The following SHANK2 variants were observed in gnomAD, a reference collection of about 807,000 sequenced individuals.
SHANK2 encodes SH3 and multiple ankyrin repeat domains 2.
Under a neutral mutation model 133.7 loss-of-function variants are expected in SHANK2, and 43 were observed. The ratio of observed to expected loss-of-function variants is 0.32; its 90% CI spans 0.25 to 0.41. The LOEUF (loss-of-function observed/expected upper bound fraction) is 0.41. Among genes scored for constraint, SHANK2 ranks in the 10% least tolerant of loss-of-function variants. The pLI is 1.00. For synonymous variants in SHANK2, 1,017 were observed against 952.8 expected (o/e 1.07, Z -1.24); for missense variants, 1,994 against 2,235.8 (o/e 0.89, Z 2.18).
chr11:71,135,988 A>ACC (rs1402169591), intron 3 of SHANK2, among the ~76,000 whole-genome samples: 2 of 152,130 alleles, frequency 1.3e-5, no homozygotes, highest in African/African-American at 4.8e-5. Context: ...AGGTACAGTG[A>ACC]CCAGACTTAG....
intron 2 of SHANK2, among the ~76,000 whole-genome samples, chr11:71,206,720 G>A (rs1345838720): frequency 4.6e-5 from 7 of 152,154 alleles, no homozygotes; most frequent in African/African-American, 1.7e-4. Context: ...AGGGTCACTC[G>A]AGGCCAGGCA....
At chr11:70,494,851 C>T (rs554293599) in intron 21 of SHANK2, among the ~76,000 whole-genome samples, 1 of 152,214 alleles carries the variant, frequency 6.6e-6, no homozygotes, top group Non-Finnish European at 1.5e-5. Flanking sequence ...CCAAGTCCAG[C>T]TGACCAGGCC....
chr11:71,197,220 A>G (rs1953922885), intron 2 of SHANK2, among the ~76,000 whole-genome samples: 1 of 152,140 alleles, frequency 6.6e-6, no homozygotes, highest in Admixed American at 6.5e-5. Context: ...GTTTGTATCC[A>G]CAAAACCATT....
At chr11:70,490,054 T>G in intron 23 of SHANK2, 1 of 490,122 alleles carries the variant, frequency 2.0e-6, no homozygotes, top group South Asian at 2.4e-5. Flanking sequence ...CTAGATTTTG[T>G]GTCCTTCAGG....
At chr11:70,854,898 G>A (rs1294729175) in intron 11 of SHANK2, among the ~76,000 whole-genome samples, 5 of 152,304 alleles carry the variant, frequency 3.3e-5, no homozygotes, top group African/African-American at 1.2e-4. Context: ...TGTGTTGCAC[G>A]CAGGGAGTGA....
intron 2 of SHANK2, among the ~76,000 whole-genome samples, chr11:71,187,899 G>A (rs577039060): frequency 2.0e-5 from 3 of 152,296 alleles, no homozygotes; most frequent in East Asian, 3.9e-4. Flanking sequence ...ACAACGCAAC[G>A]TGCTGTGCAT....
chr11:70,701,525 C>T (rs902459893), intron 14 of SHANK2, among the ~76,000 whole-genome samples: 5 of 152,220 alleles, frequency 3.3e-5, no homozygotes, highest in African/African-American at 7.2e-5. Context: ...CTCAGCCTCC[C>T]GAGTAGCTAG....
intron 17 of SHANK2, among the ~76,000 whole-genome samples, chr11:70,506,076 G>A (rs1435540591): frequency 6.6e-6 from 1 of 152,206 alleles, no homozygotes; most frequent in Non-Finnish European, 1.5e-5. Context: ...GGGCAGGGGA[G>A]GCAAAGGACC....
At chr11:70,515,569 G>C (rs1292223657) in intron 17 of SHANK2, among the ~76,000 whole-genome samples, 1 of 150,836 alleles carries the variant, frequency 6.6e-6, no homozygotes, top group Non-Finnish European at 1.5e-5. Flanking sequence ...TGGGAAGCTG[G>C]GGTGGGACGA....
At chr11:70,953,582 T>G (rs1353909297) in intron 10 of SHANK2, among the ~76,000 whole-genome samples, 23 of 152,010 alleles carry the variant, frequency 1.5e-4, no homozygotes, top group Admixed American at 1.5e-3. Flanking sequence ...GCATCCAGCA[T>G]GGGAGGAAGA....
At position 71,242,265 on chromosome 11, in the gene SHANK2, A is replaced by G. The variant is rs150780456; in HGVS notation, c.-113+10160T>C. On this transcript the variant is annotated intron_variant, in intron 1 of 25. Coordinates refer to ENST00000601538, the MANE Select transcript of SHANK2 (RefSeq NM_012309.5). ...GTTTGCTAGTGTTTAGTGGGGACGT[A>G]GTTTCAGTTCTGCAAGCTGAAGAGT... 3.2e-3 allele frequency among the ~76,000 whole-genome samples: 481 copies of G among 152,276 alleles called. 1 individual carries two copies. The highest frequency in any genetic ancestry group is 0.01 in the Middle Eastern group (3 of 294).
At chr11:70,850,541 G>A (rs557515315) in intron 11 of SHANK2, among the ~76,000 whole-genome samples, 2 of 152,258 alleles carry the variant, frequency 1.3e-5, no homozygotes, top group East Asian at 3.9e-4. Flanking sequence ...ACCAAGGATG[G>A]ATCCTCAGCC....
At chr11:70,502,741 ACCCCCCC>A in intron 18 of SHANK2, 48 bp downstream of exon 18, 6 of 381,824 alleles carry the variant, frequency 1.6e-5, no homozygotes, top group Non-Finnish European at 2.2e-5. Context: ...GCCCGCCCCC[ACCCCCCC>A]CCCCCAGTAG....
At chr11:70,856,610 A>G (rs781962168) in intron 11 of SHANK2, among the ~76,000 whole-genome samples, 9 of 152,132 alleles carry the variant, frequency 5.9e-5, no homozygotes, top group Non-Finnish European at 2.9e-5. Context: ...TATAAAGGCA[A>G]CCTTCCCCTC....
intron 14 of SHANK2, among the ~76,000 whole-genome samples, chr11:70,769,540 T>C (rs990527853): frequency 7.4e-5 from 11 of 148,952 alleles, no homozygotes; most frequent in African/African-American, 2.8e-4. Flanking sequence ...GATGCATACC[T>C]GGTGCACACG....
chr11:71,234,753 TGA>T (rs1390145453), intron 1 of SHANK2, among the ~76,000 whole-genome samples: 1 of 152,244 alleles, frequency 6.6e-6, no homozygotes, highest in East Asian at 1.9e-4. Flanking sequence ...GAGGGATGAG[TGA>T]CCACACTCAT....
At position 70,882,370 on chromosome 11, in the gene SHANK2, T is replaced by C. The variant is rs1306828954; in HGVS notation, c.1174+14131A>G. On this transcript the variant is annotated intron_variant, in intron 11 of 25. Transcript: ENST00000601538. This position sits in a 1 kb window ranked among gnomAD's most constrained non-coding sequence, Gnocchi z 4.2. ...CTGGGCTGTGCCTGTAGCTAGGAGCTGGGAACCAGTTCTATAGCCTACAAG... is the reference window on the plus strand; with the variant it reads ...CTGGGCTGTGCCTGTAGCTAGGAGCCGGGAACCAGTTCTATAGCCTACAAG... Among the ~76,000 whole-genome samples, 1 of 152,190 alleles carries C rather than the reference T, an allele frequency of 6.6e-6. No homozygotes were observed.
intron 17 of SHANK2, among the ~76,000 whole-genome samples, chr11:70,627,734 C>G (rs2060923652): frequency 6.6e-6 from 1 of 152,194 alleles, no homozygotes; most frequent in African/African-American, 2.4e-5. Flanking sequence ...TAATTTTATA[C>G]AACATTTAAA....
chr11:71,135,409 T>C (rs1285357604), intron 3 of SHANK2, among the ~76,000 whole-genome samples: 10 of 151,292 alleles, frequency 6.6e-5, no homozygotes, highest in African/African-American at 9.7e-5. Flanking sequence ...CATGGAGCCA[T>C]GGAATCCTCA....
Sources: gnomAD v4.1 joint callset for allele counts (sites outside exome capture counted in the v4.1 genomes callset) on GRCh38, gnomAD v4.1.1 for gene constraint, Gnocchi (gnomAD v3.1) non-coding constraint, MANE v1.5 for transcripts, NCBI Gene and HGNC (gene_info 2026-07-23, HGNC 2026-07-21) for gene names.